Variants in PCDH11X observed in about 807,000 individuals in gnomAD.
PCDH11X encodes the protein protocadherin-11 X-linked.
PCDH11X carries 18 observed loss-of-function variants against 53.3 expected under a neutral mutation model. The ratio of observed to expected loss-of-function variants is 0.34; its 90% CI spans 0.23 to 0.50. The LOEUF (loss-of-function observed/expected upper bound fraction) is 0.50. Ranked by LOEUF, PCDH11X falls within the 20% of genes least tolerant of loss-of-function variation. PCDH11X has a pLI of 0.98. For missense variants in PCDH11X, 570 were observed against 1,032.4 expected (o/e 0.55, Z 6.14); for synonymous variants, 279 against 393.3 (o/e 0.71, Z 3.44).
At chrX:92,139,967 C>T (rs1030730929) in intron 6 of PCDH11X, among the ~76,000 whole-genome samples, 6 of 106,905 alleles carry the variant, frequency 5.6e-5, no homozygotes, top group African/African-American at 1.7e-4. Context: ...ACTGTCCATG[C>T]GCTTCTATTC....
At chrX:91,888,062 A>G (rs1409480260) in intron 6 of PCDH11X, among the ~76,000 whole-genome samples, 5 of 112,021 alleles carry the variant, frequency 4.5e-5, no homozygotes, top group Non-Finnish European at 7.5e-5. Flanking sequence ...GATATTTGCA[A>G]CCGAAATTGT....
intron 6 of PCDH11X, among the ~76,000 whole-genome samples, chrX:91,880,996 A>C (rs1365801284): frequency 1.8e-5 from 2 of 111,331 alleles, no homozygotes; most frequent in Non-Finnish European, 3.8e-5. Context: ...AGAAGTGTAC[A>C]AAGAGTGGGT....
At chrX:92,210,163 A>G (rs1359238205) in intron 7 of PCDH11X, among the ~76,000 whole-genome samples, 2 of 109,705 alleles carry the variant, frequency 1.8e-5, no homozygotes. Flanking sequence ...ATTGGCTGTC[A>G]ACATTTGGCT....
At chrX:92,607,565 T>TA (rs1926952289) in intron 10 of PCDH11X, among the ~76,000 whole-genome samples, 2 of 111,641 alleles carry the variant, frequency 1.8e-5, no homozygotes, top group Admixed American at 1.9e-4. Flanking sequence ...GTGAATATAC[T>TA]AAAAACCACT....
intron 6 of PCDH11X, among the ~76,000 whole-genome samples, chrX:92,104,510 G>A (rs1204033214): frequency 9.0e-6 from 1 of 111,287 alleles, no homozygotes; most frequent in African/African-American, 3.3e-5. Flanking sequence ...GATCTTGCAG[G>A]ATGGAAAAAT....
chrX:92,149,037 A>G (rs1392431588), intron 6 of PCDH11X, among the ~76,000 whole-genome samples: 1 of 111,429 alleles, frequency 9.0e-6, no homozygotes, highest in Non-Finnish European at 1.9e-5. Flanking sequence ...TGCTGAAAAC[A>G]TTATCGAATG....
intron 1 of PCDH11X, among the ~76,000 whole-genome samples, chrX:91,796,747 C>T (rs1433563873): frequency 9.0e-6 from 1 of 111,088 alleles, no homozygotes; most frequent in African/African-American, 3.3e-5. Context: ...ATAGTTGGTA[C>T]AAATTAATCC....
chrX:92,129,264 G>A (rs1209210866), intron 6 of PCDH11X, among the ~76,000 whole-genome samples: 1 of 110,334 alleles, frequency 9.1e-6, no homozygotes, highest in Non-Finnish European at 1.9e-5. Context: ...GGTGGTGCAC[G>A]CCTGTAATAC....
intron 8 of PCDH11X, among the ~76,000 whole-genome samples, chrX:92,309,271 G>T (rs181864506): frequency 1.8e-5 from 2 of 112,241 alleles, no homozygotes; most frequent in East Asian, 5.6e-4. Context: ...GATAAGCAAA[G>T]TGTGGTATAT....
intron 6 of PCDH11X, among the ~76,000 whole-genome samples, chrX:92,098,456 G>T (rs1462567406): frequency 1.8e-5 from 2 of 110,476 alleles, no homozygotes; most frequent in Admixed American, 1.9e-4. Context: ...GTTGGTCATA[G>T]AAACCATCAG....
intron 8 of PCDH11X, among the ~76,000 whole-genome samples, chrX:92,276,466 G>A (rs1402266767): frequency 3.6e-5 from 4 of 110,243 alleles, no homozygotes; most frequent in African/African-American, 9.9e-5. Flanking sequence ...AGCTTAGGAG[G>A]AATCCTGGGC....
intron 6 of PCDH11X, among the ~76,000 whole-genome samples, chrX:91,971,097 C>A (rs1456524083): frequency 2.7e-5 from 3 of 111,526 alleles, no homozygotes; most frequent in Non-Finnish European, 5.6e-5. Flanking sequence ...TAAAGCATTA[C>A]AGGAATGGTA....
At chrX:92,007,857 A>AGAC (rs1404893684) in intron 6 of PCDH11X, among the ~76,000 whole-genome samples, 3 of 111,177 alleles carry the variant, frequency 2.7e-5, no homozygotes, top group Non-Finnish European at 5.6e-5. Flanking sequence ...TTCAGTTAGC[A>AGAC]GACGATAAAA....
intron 8 of PCDH11X, among the ~76,000 whole-genome samples, chrX:92,369,374 G>C (rs1338803610): frequency 9.0e-6 from 1 of 111,201 alleles, no homozygotes; most frequent in Non-Finnish European, 1.9e-5. Context: ...CACCAAGCTC[G>C]ATCATCTCAG....
chrX:91,819,430 G>T (rs1936561712), intron 4 of PCDH11X, among the ~76,000 whole-genome samples: 1 of 110,564 alleles, frequency 9.0e-6, no homozygotes, highest in South Asian at 3.8e-4. Context: ...TACAGGTGAA[G>T]ATCATGCATA....
At chrX:91,966,274 T>C (rs760959056) in intron 6 of PCDH11X, among the ~76,000 whole-genome samples, 47 of 111,140 alleles carry the variant, frequency 4.2e-4, no homozygotes, top group African/African-American at 1.5e-3. Context: ...CAAAAACAAC[T>C]GTCTATGGGA....
chrX:92,199,270 A>T (rs1054344576), intron 6 of PCDH11X, among the ~76,000 whole-genome samples: 1 of 111,990 alleles, frequency 8.9e-6, no homozygotes, highest in African/African-American at 3.2e-5. Context: ...ACTCTTTAAG[A>T]TCATTGCTAA....
chrX:91,838,429 C>G (rs1937381707), intron 5 of PCDH11X, among the ~76,000 whole-genome samples: 1 of 111,618 alleles, frequency 9.0e-6, no homozygotes, highest in African/African-American at 3.3e-5. Flanking sequence ...TGGACAAATA[C>G]TGTTTTGACT....
chrX:91,965,744 A>C (rs1303808869), intron 6 of PCDH11X, among the ~76,000 whole-genome samples: 1 of 112,299 alleles, frequency 8.9e-6, no homozygotes, highest in Admixed American at 9.5e-5. Context: ...TCACTTTAAG[A>C]AGTTAAACAT....
Sources: gnomAD v4.1 joint callset for allele counts (sites outside exome capture counted in the v4.1 genomes callset) on GRCh38, gnomAD v4.1.1 for gene constraint, MANE v1.5 for transcripts, NCBI Gene and HGNC (gene_info 2026-07-23, HGNC 2026-07-21) for gene names.